Variants in SPART observed in about 807,000 individuals in gnomAD.
SPART encodes spartin, also known as spastic paraplegia 20 (Troyer syndrome).
In SPART, 35 loss-of-function variants were observed where a neutral mutation model predicts 58.7. The observed-to-expected ratio is 0.60, with a 90% confidence interval of 0.46 to 0.79. The LOEUF (loss-of-function observed/expected upper bound fraction) is 0.79. Ranked by LOEUF, SPART falls within the 30% of genes least tolerant of loss-of-function variation. SPART has a pLI of 0.00. For missense variants in SPART, 730 were observed against 786.1 expected (o/e 0.93, Z 0.85); for synonymous variants, 284 against 280.7 (o/e 1.01, Z -0.12).
At chr13:36,360,554 C>A (rs771866254) in intron 1 of SPART, 1 of 152,454 alleles carries the variant, frequency 6.6e-6, no homozygotes, top group Non-Finnish European at 1.5e-5. Context: ...GCATTTGTAC[C>A]GTCTCCCAAG....
chr13:36,313,609 T>G (rs1365898709), intron 6 of SPART, among the ~76,000 whole-genome samples: 1 of 152,222 alleles, frequency 6.6e-6, no homozygotes, highest in Non-Finnish European at 1.5e-5. Flanking sequence ...GCATTCTTGC[T>G]GCACCTTTTC....
chr13:36,314,459 G>A, intron 5 of SPART, 38 bp from the exon 6 acceptor site: 4 of 1,573,808 alleles, frequency 2.5e-6, no homozygotes, highest in Non-Finnish European at 2.6e-6. Flanking sequence ...CAATATTAGG[G>A]CTAATTATGC....
At chr13:36,367,082 G>A (rs1395888331) in intron 1 of SPART, among the ~76,000 whole-genome samples, 1 of 152,196 alleles carries the variant, frequency 6.6e-6, no homozygotes, top group Non-Finnish European at 1.5e-5. Flanking sequence ...AGTTAGTGTG[G>A]CATCTCCACA....
intron 8 of SPART, among the ~76,000 whole-genome samples, chr13:36,304,926 T>C (rs1880359396): frequency 6.6e-6 from 1 of 152,116 alleles, no homozygotes; most frequent in South Asian, 2.1e-4. Context: ...ATAATACAGG[T>C]CATTAATCAG....
chr13:36,319,613 T>C (rs879855839), intron 5 of SPART, among the ~76,000 whole-genome samples: 14 of 148,284 alleles, frequency 9.4e-5, no homozygotes, highest in Admixed American at 9.0e-4. Flanking sequence ...GTTTTGCCTT[T>C]CCACCCCATG....
At chr13:36,347,037 C>G (rs185617209), upstream of SPART, among the ~76,000 whole-genome samples, 233 of 151,948 alleles carry the variant, frequency 1.5e-3, no homozygotes, top group Middle Eastern at 3.4e-3. Flanking sequence ...TTCCTGATTC[C>G]GGGATACAAA....
At chr13:36,323,681 G>A (rs754824883) in intron 5 of SPART, among the ~76,000 whole-genome samples, 17 of 152,104 alleles carry the variant, frequency 1.1e-4, no homozygotes, top group African/African-American at 4.1e-4. Flanking sequence ...TTAATTTTCT[G>A]CCCCCCTTTG....
intron 1 of SPART, among the ~76,000 whole-genome samples, chr13:36,359,272 G>A (rs1885744327): frequency 6.6e-6 from 1 of 152,184 alleles, no homozygotes; most frequent in African/African-American, 2.4e-5. Context: ...CACGGTCAAG[G>A]TCTTGTGACT....
intron 1 of SPART, chr13:36,336,286 C>A (rs1883996876): frequency 6.3e-6 from 1 of 158,684 alleles, no homozygotes; most frequent in Non-Finnish European, 1.4e-5. Context: ...AACTTTGTTA[C>A]CTGATTTCCA....
upstream of SPART, chr13:36,346,813 A>AGT (rs1050865230): frequency 9.2e-5 from 14 of 152,242 alleles, no homozygotes; most frequent in African/African-American, 3.4e-4. Context: ...CCTAGTAGAG[A>AGT]GTGTGGGCAG....
chr13:36,355,577 G>T (rs1301373625), intron 1 of SPART, among the ~76,000 whole-genome samples: 1 of 152,074 alleles, frequency 6.6e-6, no homozygotes, highest in African/African-American at 2.4e-5. Flanking sequence ...TATGTTACTT[G>T]CAACAAAGCA....
chr13:36,342,585 G>A (rs1224043091), intron 1 of SPART, among the ~76,000 whole-genome samples: 1 of 152,094 alleles, frequency 6.6e-6, no homozygotes, highest in African/African-American at 2.4e-5. Flanking sequence ...CCTGATCTCT[G>A]TCCACTGGAT....
chr13:36,315,186 G>A (rs933038142), intron 5 of SPART, among the ~76,000 whole-genome samples: 1 of 152,190 alleles, frequency 6.6e-6, no homozygotes, highest in African/African-American at 2.4e-5. Flanking sequence ...CTCACCAGAG[G>A]AACAGAGGGA....
At chr13:36,357,819 G>T (rs943366638) in intron 1 of SPART, among the ~76,000 whole-genome samples, 3 of 152,188 alleles carry the variant, frequency 2.0e-5, no homozygotes, top group Non-Finnish European at 4.4e-5. Context: ...GAAGAAAAAT[G>T]TGTGATGAAT....
intron 5 of SPART, among the ~76,000 whole-genome samples, chr13:36,319,071 G>T (rs1214277296): frequency 6.6e-6 from 1 of 151,912 alleles, no homozygotes; most frequent in Non-Finnish European, 1.5e-5. Context: ...TGTTTCCCTT[G>T]CCTCCATAAC....
chr13:36,322,508 T>C (rs987101116), intron 5 of SPART, among the ~76,000 whole-genome samples: 27 of 152,190 alleles, frequency 1.8e-4, no homozygotes, highest in Non-Finnish European at 3.5e-4. Flanking sequence ...TCTCTCCTGG[T>C]AAAAAGCTAG....
intron 1 of SPART, among the ~76,000 whole-genome samples, chr13:36,344,790 CAA>C (rs1310554905): frequency 6.6e-6 from 1 of 152,122 alleles, no homozygotes; most frequent in African/African-American, 2.4e-5. Flanking sequence ...GTTAAGAAGA[CAA>C]AGTCTTTGAA....
chr13:36,358,250 T>C (rs1372816185), intron 1 of SPART, among the ~76,000 whole-genome samples: 2 of 152,204 alleles, frequency 1.3e-5, no homozygotes, highest in Non-Finnish European at 2.9e-5. Flanking sequence ...ATCATATTCA[T>C]TTTATGGTCT....
chr13:36,306,676 G>A (rs1462794875), intron 8 of SPART, among the ~76,000 whole-genome samples: 1 of 151,890 alleles, frequency 6.6e-6, no homozygotes, highest in East Asian at 1.9e-4. Context: ...AAATGAATTT[G>A]TTTTGCACCT....
Sources: allele counts gnomAD v4.1 joint callset (sites outside exome capture counted in the v4.1 genomes callset), GRCh38; gene constraint gnomAD v4.1.1; transcripts MANE v1.5; gene names NCBI Gene and HGNC (gene_info 2026-07-23, HGNC 2026-07-21).